Variants in SCD observed in about 807,000 individuals in gnomAD.
SCD encodes the protein acyl-CoA desaturase.
In SCD, 4 loss-of-function variants were observed where a neutral mutation model predicts 35.7. The ratio of observed to expected loss-of-function variants is 0.11; its 90% CI spans 0.06 to 0.26. SCD has a LOEUF of 0.26. Among genes scored for constraint, SCD ranks in the 10% least tolerant of loss-of-function variants. The pLI is 1.00. For missense variants in SCD, 282 were observed against 460.7 expected (o/e 0.61, Z 3.55); for synonymous variants, 150 against 170.2 (o/e 0.88, Z 0.92).
chr10:100,354,458 G>A lies in SCD; in HGVS notation c.473G>A (p.Arg158His). 3 of 1,613,876 alleles carry A rather than the reference G, an allele frequency of 1.9e-6. No individual in the cohort carries two copies. The highest frequency in any genetic ancestry group is 2.5e-6 in the Non-Finnish European group (3 of 1,179,852). ...GTCTATGAATGGGCTCGTGACCACC[G>A]TGCCCACCACAAGTTTTCAGAAACA... is the stretch of plus-strand genomic sequence containing the variant. Reference protein sequence around the residue: ...NDVYEWARDHRAHHKFSETHA... With the variant: ...NDVYEWARDHHAHHKFSETHA... Residue 158 changes from arginine (R) to histidine (H), a missense_variant, in exon 4 of 6, where the codon CGT becomes CAT. Arg to His is a conservative substitution (Grantham distance 29). Coordinates refer to ENST00000370355, the MANE Select transcript of SCD (RefSeq NM_005063.5).
chr10:100,361,325 G>C lies in SCD; in HGVS notation c.*392G>C, dbSNP rs200647198. On this transcript the variant is annotated 3_prime_UTR_variant, in exon 6 of 6. Transcript: ENST00000370355. ...CCAGATAACTCTCTTTCCTTGAGCT[G>C]TTGTGAGCTTTGAAGTAGGTGGCTT... 1.6e-4 allele frequency: 31 copies of C among 195,794 alleles called. No individual in the cohort carries two copies. Among genetic ancestry groups the C allele is most frequent in the Non-Finnish European group, 3.0e-4 (28 of 93,944 alleles). The allele number at this position is 195,794 out of a possible 1,614,324, so 12.1% of individuals were successfully genotyped here. A position where few individuals can be genotyped will look rare whatever the true frequency, so the allele number is the denominator to read the frequency against.
intron 2 of SCD, among the ~76,000 whole-genome samples, chr10:100,350,462 C>G (rs919668362): frequency 6.6e-6 from 1 of 152,120 alleles, no homozygotes; most frequent in African/African-American, 2.4e-5. Context: ...GAGAATGCCT[C>G]TGGCAACACT....
intron 4 of SCD, among the ~76,000 whole-genome samples, chr10:100,355,140 C>T (rs756417197): frequency 2.0e-5 from 3 of 152,092 alleles, no homozygotes; most frequent in East Asian, 1.9e-4. Context: ...TTGCCCAGGC[C>T]GGTAGCTTAG....
At chr10:100,359,258 C>T (rs1285992055) in intron 5 of SCD, among the ~76,000 whole-genome samples, 1 of 152,000 alleles carries the variant, frequency 6.6e-6, no homozygotes, top group Non-Finnish European at 1.5e-5. Context: ...CCTTTGTTCT[C>T]CTCCAGCTCT....
At chr10:100,350,178 A>G (rs1408342193) in intron 2 of SCD, among the ~76,000 whole-genome samples, 1 of 151,934 alleles carries the variant, frequency 6.6e-6, no homozygotes, top group East Asian at 1.9e-4. Flanking sequence ...CCTTTGGTGG[A>G]TGGCTTAGCT....
At chr10:100,358,841 T>G (rs2133596823) in intron 5 of SCD, among the ~76,000 whole-genome samples, 1 of 151,118 alleles carries the variant, frequency 6.6e-6, no homozygotes. Context: ...GGCAGAAGAA[T>G]CGCTTGAACC....
At chr10:100,347,595 G>C in intron 1 of SCD, 64 bp downstream of exon 1, 3 of 1,596,834 alleles carry the variant, frequency 1.9e-6, no homozygotes, top group South Asian at 1.1e-5. Context: ...TCCAGGGGAC[G>C]GGTTGGTGGC....
chr10:100,347,248 C>A lies in SCD; in HGVS notation c.-257C>A. On this transcript the variant is annotated 5_prime_UTR_variant, in exon 1 of 6. Coordinates refer to ENST00000370355, the MANE Select transcript of SCD (RefSeq NM_005063.5). ...CGCCCGCGCCAGTCAACTCCTCGCA[C>A]TTTGCCCCTGCTTGGCAGCGGATAA... 1.8e-6 allele frequency: 1 copy of A among 557,122 alleles called. No homozygotes were observed. Among genetic ancestry groups the A allele is most frequent in the Non-Finnish European group, 3.2e-6 (1 of 313,236 alleles). The allele number at this position is 557,122 out of a possible 1,614,324, so 34.5% of individuals were successfully genotyped here.
In SCD at chr10:100,360,820, T is replaced by G. The variant is rs765397803; in HGVS notation, c.967T>G (p.Phe323Val). The G allele has an allele frequency of 6.2e-7, 1 of 1,613,948 alleles. No individual in the cohort carries two copies. The highest frequency in any genetic ancestry group is 8.5e-7 in the Non-Finnish European group (1 of 1,179,856). Residue 323 changes from phenylalanine (F) to valine (V), a missense_variant, in exon 6 of 6, where the codon TTC becomes GTC. Physicochemically the swap from Phe to Val is conservative, Grantham distance 50 (BLOSUM62 -1). Around this residue, in one of 2 missense-constraint regions of SCD, gnomAD observed 205 missense variants for 372.3 expected, o/e 0.55. Coordinates refer to ENST00000370355, the MANE Select transcript of SCD (RefSeq NM_005063.5). ...YRWHINFTTF[F>V]IDCMAALGLA... ...CTGGCACATCAACTTCACCACATTC[T>G]TCATTGATTGCATGGCCGCCCTCGG...
At chr10:100,359,219 C>T (rs749007916) in intron 5 of SCD, among the ~76,000 whole-genome samples, 23 of 152,146 alleles carry the variant, frequency 1.5e-4, no homozygotes, top group Non-Finnish European at 2.5e-4. Context: ...CTCCTCCTTG[C>T]CTGCTGCTTT....
In SCD at chr10:100,363,012, GA is replaced by G. The variant is rs1471915093; in HGVS notation, c.*2082del. The G allele has an allele frequency of 6.6e-6, 1 of 152,270 alleles. No homozygotes were observed. The highest frequency in any genetic ancestry group is 2.4e-5 in the African/African-American group (1 of 41,442). 9.4% of individuals were successfully genotyped at this position (152,270 alleles called of 1,614,324 possible). The stretch of plus-strand genomic sequence containing the variant: ...AGTGCAATGCTTGTAGAAGTAGGAG[GA>G]AACAGTTCTCACTGGGAAGAAGCAA... On this transcript the variant is annotated 3_prime_UTR_variant, in exon 6 of 6. Transcript: ENST00000370355.
chr10:100,352,577 G>A lies in SCD; in HGVS notation c.441+81G>A. ...ACAGAAAGGAGGGATCAGCACCAGA[G>A]AGGAGCCACACCTGACAGCCATTTC... On this transcript the variant is annotated intron_variant, in intron 3 of 5. Transcript: ENST00000370355. This position sits in a 1 kb window ranked among gnomAD's most constrained non-coding sequence, Gnocchi z 4.2. The A allele has an allele frequency of 1.5e-6, 2 of 1,374,818 alleles. No individual in the cohort carries two copies. Among genetic ancestry groups the A allele is most frequent in the Non-Finnish European group, 1.0e-6 (1 of 982,910 alleles). 85.2% of individuals were successfully genotyped at this position (1,374,818 alleles called of 1,614,324 possible).
At chr10:100,354,693 A>AT (rs1173553811) in intron 4 of SCD, 61 bp downstream of exon 4, 8 of 1,305,124 alleles carry the variant, frequency 6.1e-6, no homozygotes, top group Non-Finnish European at 8.8e-6. Flanking sequence ...TAGGGACCCC[A>AT]TTTTTTCTCC....
chr10:100,348,705 T>G (rs541865044), intron 2 of SCD, among the ~76,000 whole-genome samples: 1 of 152,264 alleles, frequency 6.6e-6, no homozygotes, highest in East Asian at 1.9e-4. Context: ...CTGGGAGGCA[T>G]GGGAACATGG....
rs1850018220 is a variant in SCD at position 100,364,200 on chromosome 10, G to A, written c.*3267G>A. The A allele has an allele frequency of 6.6e-6, 1 of 151,110 alleles. No homozygotes were observed. The highest frequency in any genetic ancestry group is 6.6e-5 in the Admixed American group (1 of 15,142). 9.4% of individuals were successfully genotyped at this position (151,110 alleles called of 1,614,324 possible). On this transcript the variant is annotated 3_prime_UTR_variant, in exon 6 of 6. Transcript: ENST00000370355. ...TCCTTGGTTTGCTAGTATCTTGGGT[G>A]TATTCTCTGTAAGTGTAGCTCAAAT...
rs1849808882 is a variant in SCD at position 100,347,461 on chromosome 10, A to T, written c.-44A>T. The T allele has an allele frequency of 6.2e-7, 1 of 1,610,452 alleles. No homozygotes were observed. Among genetic ancestry groups the T allele is most frequent in the Non-Finnish European group, 8.5e-7 (1 of 1,178,534 alleles). ...CCGGCGACCCCGAACTCCGCTCCGG[A>T]GCCTCAGCCCCCTGGAAAGTGATCC... On this transcript the variant is annotated 5_prime_UTR_variant, in exon 1 of 6. Coordinates refer to ENST00000370355, the MANE Select transcript of SCD (RefSeq NM_005063.5).
In SCD at chr10:100,364,250, G is replaced by A. The variant is rs1291672331; in HGVS notation, c.*3317G>A. 6.6e-6 allele frequency: 1 copy of A among 151,704 alleles called. No homozygotes were observed. The highest frequency in any genetic ancestry group is 1.9e-4 in the East Asian group (1 of 5,160). 9.4% of individuals were successfully genotyped at this position (151,704 alleles called of 1,614,324 possible). ...TAGGTCATCATGAAAGGTTAAAAAAGCGAGGTGGCCATGTTATGCTGGTGG... is the reference window on the plus strand; with the variant it reads ...TAGGTCATCATGAAAGGTTAAAAAAACGAGGTGGCCATGTTATGCTGGTGG... On this transcript the variant is annotated 3_prime_UTR_variant, in exon 6 of 6. Transcript: ENST00000370355.
In SCD at chr10:100,347,495, G is replaced by C. The variant is rs1434245958; in HGVS notation, c.-10G>C. ...CCCCTGGAAAGTGATCCCGGCATCC[G>C]AGAGCCAAGATGCCGGCCCACTTGC... On this transcript the variant is annotated 5_prime_UTR_variant, in exon 1 of 6. Transcript: ENST00000370355. 1 of 1,613,902 alleles carries C rather than the reference G, an allele frequency of 6.2e-7. No homozygotes were observed. The highest frequency in any genetic ancestry group is 1.7e-5 in the Admixed American group (1 of 60,016).
At chr10:100,358,091 C>A (rs1374883914) in intron 5 of SCD, among the ~76,000 whole-genome samples, 2 of 152,184 alleles carry the variant, frequency 1.3e-5, no homozygotes, top group East Asian at 1.9e-4. Flanking sequence ...CTATGACCTC[C>A]TGGGCTCAAG....
Sources: gnomAD v4.1 joint callset for allele counts (sites outside exome capture counted in the v4.1 genomes callset) on GRCh38, gnomAD v4.1.1 for gene constraint, gnomAD v4.1.1 regional missense constraint, Gnocchi (gnomAD v3.1) non-coding constraint, MANE v1.5 for transcripts, NCBI Gene and HGNC (gene_info 2026-07-23, HGNC 2026-07-21) for gene names.